Variants in PPP2R2C observed in about 807,000 individuals in gnomAD.
PPP2R2C encodes protein phosphatase 2 regulatory subunit Bgamma, also known as protein phosphatase 2, regulatory subunit B, gamma.
Under a neutral mutation model 45.3 loss-of-function variants are expected in PPP2R2C, and 10 were observed. The ratio of observed to expected loss-of-function variants is 0.22; its 90% CI spans 0.14 to 0.37. The LOEUF (loss-of-function observed/expected upper bound fraction) is 0.37, where lower values mean the gene tolerates loss of function less well. PPP2R2C is among the 10% of genes least tolerant of loss of function. The probability of loss-of-function intolerance (pLI) is 1.00; values close to 1 mark genes in which losing one functional copy is unlikely to be tolerated. For synonymous variants in PPP2R2C, 257 were observed against 245.4 expected (o/e 1.05, Z -0.44); for missense variants, 308 against 619.7 (o/e 0.50, Z 5.34).
intron 1 of PPP2R2C, among the ~76,000 whole-genome samples, chr4:6,425,294 C>T (rs1173341069): frequency 6.6e-6 from 1 of 152,208 alleles, no homozygotes; most frequent in Non-Finnish European, 1.5e-5. Context: ...GTGTGAGCAT[C>T]ATTAAGAGCC....
chr4:6,383,237 C>A, intron 1 of PPP2R2C: 6 of 1,193,162 alleles, frequency 5.0e-6, no homozygotes, highest in Middle Eastern at 2.5e-4. Context: ...GCAGAAGAAC[C>A]CCCCCAACCC....
intron 5 of PPP2R2C, among the ~76,000 whole-genome samples, chr4:6,369,084 C>T (rs989418995): frequency 6.6e-6 from 1 of 152,234 alleles, no homozygotes; most frequent in Non-Finnish European, 1.5e-5. Context: ...TCAGAGAGAA[C>T]CAGCTTCAGG....
intron 2 of PPP2R2C, among the ~76,000 whole-genome samples, chr4:6,512,130 GGTGGTGATT>G (rs1723605246): frequency 1.2e-5 from 1 of 83,086 alleles, no homozygotes. Flanking sequence ...GGGTGGTGGT[GGTGGTGATT>G]ATGGTGGTAG....
chr4:6,393,991 T>A (rs1341111773), intron 1 of PPP2R2C, among the ~76,000 whole-genome samples: 3 of 152,142 alleles, frequency 2.0e-5, no homozygotes, highest in Non-Finnish European at 1.5e-5. Context: ...AGGGTCAAGG[T>A]GAGGGAGACC....
intron 2 of PPP2R2C, among the ~76,000 whole-genome samples, chr4:6,481,548 G>T (rs762579366): frequency 9.2e-5 from 14 of 152,130 alleles, no homozygotes; most frequent in Non-Finnish European, 1.8e-4. Context: ...CTACCCTGCC[G>T]TAGAGAGACA....
At chr4:6,511,492 GTGATGGCGGTGA>G (rs1723479785) in intron 2 of PPP2R2C, among the ~76,000 whole-genome samples, 1 of 90,876 alleles carries the variant, frequency 1.1e-5, no homozygotes, top group Non-Finnish European at 2.3e-5. Flanking sequence ...GGTGTTGGTG[GTGATGGCGGTGA>G]TGGTGGTGGT....
chr4:6,529,182 G>A (rs1360644034), intron 2 of PPP2R2C, among the ~76,000 whole-genome samples: 1 of 152,224 alleles, frequency 6.6e-6, no homozygotes, highest in East Asian at 1.9e-4. Flanking sequence ...CAGCCTCATC[G>A]GCAGCAGAAG....
intron 1 of PPP2R2C, among the ~76,000 whole-genome samples, chr4:6,410,838 CT>C (rs1718123893): frequency 7.2e-6 from 1 of 139,462 alleles, no homozygotes; most frequent in African/African-American, 2.6e-5. Flanking sequence ...ACTATTCCCC[CT>C]GTTTTATTTA....
chr4:6,460,440 C>A (rs1005869864), intron 1 of PPP2R2C, among the ~76,000 whole-genome samples: 1 of 152,102 alleles, frequency 6.6e-6, no homozygotes, highest in Non-Finnish European at 1.5e-5. Flanking sequence ...CACTGTGAGG[C>A]GGTAAGTCTC....
intron 2 of PPP2R2C, among the ~76,000 whole-genome samples, chr4:6,512,422 G>A (rs1723653504): frequency 7.9e-6 from 1 of 127,220 alleles, no homozygotes; most frequent in African/African-American, 2.9e-5. Flanking sequence ...GGTGGTGATG[G>A]TGGGGGTGGT....
intron 1 of PPP2R2C, among the ~76,000 whole-genome samples, chr4:6,408,319 C>T (rs1198755079): frequency 6.6e-6 from 1 of 152,152 alleles, no homozygotes; most frequent in Non-Finnish European, 1.5e-5. Context: ...CTGGTTTCTC[C>T]TCCTCCCCTT....
chr4:6,443,432 C>A (rs1050131865), intron 1 of PPP2R2C, among the ~76,000 whole-genome samples: 1 of 152,194 alleles, frequency 6.6e-6, no homozygotes. Flanking sequence ...GCCCCAAGGC[C>A]GCAGAGGGAC....
At chr4:6,514,940 A>G (rs1035906317) in intron 2 of PPP2R2C, among the ~76,000 whole-genome samples, 1 of 151,766 alleles carries the variant, frequency 6.6e-6, no homozygotes, top group Admixed American at 6.6e-5. Context: ...CTCTATCACC[A>G]TGTGGCCTTC....
intron 1 of PPP2R2C, among the ~76,000 whole-genome samples, chr4:6,418,005 G>T (rs543985475): frequency 5.3e-5 from 8 of 152,002 alleles, no homozygotes; most frequent in South Asian, 2.1e-4. Context: ...CTCTGGAAGG[G>T]AAGGAGGGGG....
chr4:6,433,858 G>A (rs1577179789), intron 1 of PPP2R2C, among the ~76,000 whole-genome samples: 1 of 152,194 alleles, frequency 6.6e-6, no homozygotes, highest in Non-Finnish European at 1.5e-5. Context: ...GTCAGGGTTC[G>A]AACTCGAACA....
chr4:6,342,766 C>T (rs1733556694), intron 6 of PPP2R2C, among the ~76,000 whole-genome samples: 1 of 152,216 alleles, frequency 6.6e-6, no homozygotes, highest in African/African-American at 2.4e-5. Context: ...ACGCGGATTT[C>T]CAGTGCTTCG....
chr4:6,471,304 G>T lies in PPP2R2C; in HGVS notation c.70+856C>A, dbSNP rs540983484. ...CTCCCGGTCCCCATCCTCCATCGGG[G>T]TCACTCCGCGGGCCCTGCCTGCGCA... On this transcript the variant is annotated intron_variant, in intron 1 of 8. Transcript: ENST00000382599. The surrounding 1 kb of genome is among the most constrained non-coding windows in gnomAD (Gnocchi z 5.6). Among the ~76,000 whole-genome samples, 1 of 152,296 alleles carries T rather than the reference G, an allele frequency of 6.6e-6. No individual in the cohort carries two copies. Among genetic ancestry groups the T allele is most frequent in the African/African-American group, 2.4e-5 (1 of 41,576 alleles).
At chr4:6,539,880 T>C (rs1401970534) in intron 1 of PPP2R2C, among the ~76,000 whole-genome samples, 1 of 151,976 alleles carries the variant, frequency 6.6e-6, no homozygotes, top group African/African-American at 2.4e-5. Flanking sequence ...GCTGTGTGGG[T>C]AGAGGGGTCT....
chr4:6,533,303 G>A (rs1381710505), intron 2 of PPP2R2C, among the ~76,000 whole-genome samples: 1 of 152,162 alleles, frequency 6.6e-6, no homozygotes, highest in Non-Finnish European at 1.5e-5. Context: ...CATAATCTTT[G>A]AACAGGATTC....
Sources: allele counts gnomAD v4.1 joint callset (sites outside exome capture counted in the v4.1 genomes callset), GRCh38; gene constraint gnomAD v4.1.1; non-coding constraint Gnocchi (gnomAD v3.1); transcripts MANE v1.5; gene names NCBI Gene and HGNC (gene_info 2026-07-23, HGNC 2026-07-21).